SRR: variants seen among roughly 807,000 people sequenced by gnomAD.
The protein encoded by SRR is serine racemase, also known as D-serine ammonia-lyase.
In SRR, 19 loss-of-function variants were observed where a neutral mutation model predicts 32.7. That is an observed-to-expected ratio of 0.58 (90% confidence interval 0.40 to 0.85). The LOEUF (loss-of-function observed/expected upper bound fraction) is 0.85, where lower values mean the gene tolerates loss of function less well. Among genes scored for constraint, SRR ranks in the 40% least tolerant of loss-of-function variants. The probability of loss-of-function intolerance (pLI) is 0.00; values close to 1 mark genes in which losing one functional copy is unlikely to be tolerated. For synonymous variants in SRR, 142 were observed against 140.9 expected (o/e 1.01, Z -0.06); for missense variants, 373 against 404.7 (o/e 0.92, Z 0.67).
At chr17:2,322,834 A>C in intron 6 of SRR, 1 of 367,842 alleles carries the variant, frequency 2.7e-6, no homozygotes, top group Non-Finnish European at 5.2e-6. Flanking sequence ...GTGTGATCTC[A>C]GCTCACTGCA....
At chr17:2,321,224 A>G (rs2075525367) in intron 4 of SRR, 82 bp from the exon 5 acceptor site, 2 of 1,537,628 alleles carry the variant, frequency 1.3e-6, no homozygotes, top group South Asian at 1.2e-5. Flanking sequence ...TAGATGGTCA[A>G]TAAAATGCTG....
rs1425530687 is a variant in SRR at position 2,323,081 on chromosome 17, CA to C, written c.595-54del. On this transcript the variant is annotated intron_variant, in intron 6 of 7. Transcript: ENST00000344595. ...CACCAGGCCCATATTTTCTTTTAGA[CA>C]TGCAGGCAATGTTGTGGTTTGTTGT... 3 of 1,563,654 alleles carry C rather than the reference CA, an allele frequency of 1.9e-6. No individual in the cohort carries two copies. The African/African-American group carries it at 4.1e-5, about 21-fold the overall frequency.
intron 1 of SRR, among the ~76,000 whole-genome samples, chr17:2,313,572 C>T (rs941832937): frequency 1.3e-5 from 2 of 151,586 alleles, no homozygotes; most frequent in African/African-American, 4.9e-5. Context: ...CCCGCCTCTA[C>T]GAAAAATATA....
intron 2 of SRR, among the ~76,000 whole-genome samples, chr17:2,316,633 T>C (rs371417328): frequency 2.1e-4 from 32 of 152,334 alleles, no homozygotes; most frequent in African/African-American, 7.7e-4. Context: ...TCCCAGCACT[T>C]TGGGAGGCTG....
chr17:2,321,474 C>A, intron 5 of SRR, 49 bp downstream of exon 5: 1 of 1,612,598 alleles, frequency 6.2e-7, no homozygotes, highest in Non-Finnish European at 8.5e-7. Flanking sequence ...AGCTGTTGGG[C>A]TATATTCAAT....
At chr17:2,303,501 G>C, upstream of SRR, 1 of 1,327,114 alleles carries the variant, frequency 7.5e-7, no homozygotes, top group South Asian at 2.0e-5. Context: ...GGTCCGCCGC[G>C]GCCCCAGCGC....
Position 2,323,337 on chromosome 17 carries a change from G to T in SRR, c.796G>T (p.Glu266Ter), listed in dbSNP as rs138106032. The T allele has an allele frequency of 4.3e-6, 7 of 1,613,850 alleles. No individual in the cohort carries two copies. The highest frequency in any genetic ancestry group is 4.0e-5 in the African/African-American group (3 of 74,914). ...VDDIFTVTED[E>*]IKCATQLVWE... ...TGATATCTTCACTGTCACAGAGGAT[G>T]AAATTAAGGTGAGGCTCCAGCAAGA... Residue 266 changes from glutamate (E) to a stop codon, truncating the protein, a stop_gained, in exon 7 of 8, where the codon GAA becomes TAA. Coordinates refer to ENST00000344595, the MANE Select transcript of SRR (RefSeq NM_021947.3). LOFTEE classifies it high-confidence loss of function.
intron 7 of SRR, 37 bp downstream of exon 7, chr17:2,323,382 G>A (rs151214581): frequency 1.9e-6 from 3 of 1,611,424 alleles, no homozygotes; most frequent in Non-Finnish European, 2.5e-6. Context: ...GCAAAGCATG[G>A]TGTAACTTCT....
At chr17:2,317,281 G>A (rs1011465398) in intron 2 of SRR, among the ~76,000 whole-genome samples, 28 of 151,052 alleles carry the variant, frequency 1.9e-4, no homozygotes, top group African/African-American at 6.8e-4. Flanking sequence ...GGAGGCTGAG[G>A]CAGGCGGATA....
intron 1 of SRR, among the ~76,000 whole-genome samples, chr17:2,312,052 T>TA (rs1286333469): frequency 6.6e-6 from 1 of 151,178 alleles, no homozygotes; most frequent in Non-Finnish European, 1.5e-5. Flanking sequence ...TCTACTAAAA[T>TA]AAAAATTTAA....
In SRR at chr17:2,324,035, A is replaced by T; in HGVS notation, c.*162A>T. On this transcript the variant is annotated 3_prime_UTR_variant, in exon 8 of 8. Coordinates refer to ENST00000344595, the MANE Select transcript of SRR (RefSeq NM_021947.3). ...GACTAAGTAGTGGAAAAACTTTTATACTTAACTGAGACATTTTGTCAAGGC... is the reference window on the plus strand; with the variant it reads ...GACTAAGTAGTGGAAAAACTTTTATTCTTAACTGAGACATTTTGTCAAGGC... 1 of 1,197,198 alleles carries T rather than the reference A, an allele frequency of 8.4e-7. No homozygotes were observed. Among genetic ancestry groups the T allele is most frequent in the Non-Finnish European group, 1.2e-6 (1 of 858,148 alleles). The allele number at this position is 1,197,198 out of a possible 1,614,324, so 74.2% of individuals were successfully genotyped here.
Position 2,323,923 on chromosome 17 carries a change from C to T in SRR, c.*50C>T. 1 of 1,515,800 alleles carries T rather than the reference C, an allele frequency of 6.6e-7. No homozygotes were observed. The highest frequency in any genetic ancestry group is 1.2e-5 in the South Asian group (1 of 86,522). 93.9% of individuals were successfully genotyped at this position (1,515,800 alleles called of 1,614,324 possible). On this transcript the variant is annotated 3_prime_UTR_variant, in exon 8 of 8. Transcript: ENST00000344595. ...ATTCAGTGTCTTTAGATACTGAAGA[C>T]ATTTTGTTTCCTAGTATTGTCAACT...
At chr17:2,308,026 T>C (rs887162283) in intron 1 of SRR, among the ~76,000 whole-genome samples, 2 of 149,692 alleles carry the variant, frequency 1.3e-5, no homozygotes, top group African/African-American at 4.9e-5. Flanking sequence ...AGTCTGATCG[T>C]GACACTGAAT....
rs2075567786 is a variant in SRR, at chr17:2,325,085, A to G, written c.*1212A>G. On this transcript the variant is annotated 3_prime_UTR_variant, in exon 8 of 8. Transcript: ENST00000344595. Reference sequence around the variant, plus strand: ...AGTTGTTACAAGGAAAGGATGTTGAACAAAAGGCAGTTATTTGAGGACTGG... The same window carrying G: ...AGTTGTTACAAGGAAAGGATGTTGAGCAAAAGGCAGTTATTTGAGGACTGG... 4 of 594,274 alleles carry G rather than the reference A, an allele frequency of 6.7e-6. No individual in the cohort carries two copies. The East Asian group carries it at 1.1e-4, about 17-fold the overall frequency. 36.8% of individuals were successfully genotyped at this position (594,274 alleles called of 1,614,324 possible). A position where few individuals can be genotyped will look rare whatever the true frequency, so the allele number is the denominator to read the frequency against.
chr17:2,322,905 C>G (rs1338429276), intron 6 of SRR: 3 of 480,102 alleles, frequency 6.2e-6, no homozygotes, highest in Non-Finnish European at 1.1e-5. Flanking sequence ...GCTGGGATTA[C>G]AGGGGTCTGC....
chr17:2,319,986 T>C (rs932008767), intron 4 of SRR, among the ~76,000 whole-genome samples: 2 of 150,938 alleles, frequency 1.3e-5, no homozygotes, highest in African/African-American at 2.4e-5. Flanking sequence ...GCCCAGCTAA[T>C]TTTTTCTATT....
chr17:2,317,529 A>T (rs530097765), intron 2 of SRR, among the ~76,000 whole-genome samples: 2 of 151,486 alleles, frequency 1.3e-5, no homozygotes, highest in East Asian at 2.0e-4. Flanking sequence ...AATAAAAAAA[A>T]AAAATTTAGC....
At chr17:2,303,942 C>G (rs408067), upstream of SRR, 155,162 of 298,110 alleles carry the variant, frequency 0.52, 44,037 homozygotes, top group East Asian at 0.63. Flanking sequence ...GGCGGGCGGG[C>G]GCTGCGCGTG....
Position 2,323,349 on chromosome 17 carries a change from A to AG in SRR, c.804+6dup, listed in dbSNP as rs1567780560. ...TGTCACAGAGGATGAAATTAAGGTG[A>AG]GGCTCCAGCAAGAAAAGAAATAGCA... is the stretch of plus-strand genomic sequence containing the variant. On this transcript the variant is annotated splice_donor_region_variant and intron_variant, in intron 7 of 7. Coordinates refer to ENST00000344595, the MANE Select transcript of SRR (RefSeq NM_021947.3). 16 of 1,613,884 alleles carry AG rather than the reference A, an allele frequency of 9.9e-6. No homozygotes were observed. Among genetic ancestry groups the AG allele is most frequent in the Non-Finnish European group, 1.4e-5 (16 of 1,179,796 alleles).
Sources: gnomAD v4.1 joint callset for allele counts (sites outside exome capture counted in the v4.1 genomes callset) on GRCh38, gnomAD v4.1.1 for gene constraint, MANE v1.5 for transcripts, NCBI Gene and HGNC (gene_info 2026-07-23, HGNC 2026-07-21) for gene names.